The following GATAD2B variants were observed in gnomAD, a reference collection of about 807,000 sequenced individuals.
GATAD2B encodes the protein GATA zinc finger domain containing 2B.
GATAD2B carries 8 observed loss-of-function variants against 64.3 expected under a neutral mutation model. The observed-to-expected ratio is 0.12, with a 90% CI of 0.07 to 0.22. GATAD2B has a LOEUF of 0.22. Ranked by LOEUF, GATAD2B falls within the 10% of genes least tolerant of loss-of-function variation. The pLI is 1.00. For missense variants in GATAD2B, 453 were observed against 752.0 expected, an observed-to-expected ratio of 0.60 and a Z score of 4.65; for synonymous variants, 281 against 271.3, an observed-to-expected ratio of 1.04 and a Z score of -0.35.
At chr1:153,918,735 C>A (rs575079035) in intron 1 of GATAD2B, among the ~76,000 whole-genome samples, 2 of 152,128 alleles carry the variant, frequency 1.3e-5, no homozygotes, top group East Asian at 3.9e-4. Flanking sequence ...GGCAGATCAC[C>A]TGAGGTCAGG....
chr1:153,855,494 T>G (rs1676052550), intron 1 of GATAD2B, among the ~76,000 whole-genome samples: 1 of 152,192 alleles, frequency 6.6e-6, no homozygotes, highest in Non-Finnish European at 1.5e-5. Flanking sequence ...CCTCCCAAAG[T>G]GCTGGGATTA....
intron 1 of GATAD2B, among the ~76,000 whole-genome samples, chr1:153,848,227 C>T (rs1412219912): frequency 1.3e-5 from 2 of 152,186 alleles, no homozygotes; most frequent in African/African-American, 4.8e-5. Flanking sequence ...TCAAGAGTTA[C>T]CTATACTCAT....
At chr1:153,844,476 A>G (rs1675614059) in intron 1 of GATAD2B, among the ~76,000 whole-genome samples, 2 of 151,892 alleles carry the variant, frequency 1.3e-5, no homozygotes, top group Admixed American at 6.6e-5. Flanking sequence ...TTGCAAATCA[A>G]CCCTCAAGAT....
At chr1:153,844,730 C>G (rs12128138) in intron 1 of GATAD2B, among the ~76,000 whole-genome samples, 2 of 131,176 alleles carry the variant, frequency 1.5e-5, no homozygotes, top group Non-Finnish European at 3.2e-5. Flanking sequence ...CATGGACACA[C>G]GAAAGGGAAT....
At chr1:153,840,073 C>T (rs1159671082) in intron 1 of GATAD2B, among the ~76,000 whole-genome samples, 3 of 133,830 alleles carry the variant, frequency 2.2e-5, no homozygotes, top group Non-Finnish European at 4.7e-5. Flanking sequence ...ACTCTTGTTG[C>T]CCAGGCTGGA....
chr1:153,812,039 G>A lies in GATAD2B; in HGVS notation c.1513C>T (p.His505Tyr). 1 of 1,604,794 alleles carries A rather than the reference G, an allele frequency of 6.2e-7. No homozygotes were observed. ...TTCCTTACCTGCCGAAGCGTATGAT[G>A]TCTCATGATGGTCTCTTGTTTACTG... ...SVSKQETIMR[H>Y]HTLRQAPQPQ... The change falls in exon 9 of 11, where the codon CAT (histidine) becomes TAT (tyrosine). Residue 505 changes from histidine (H) to tyrosine (Y), a missense_variant. By Grantham distance (83) the His-to-Tyr change is moderately conservative (BLOSUM62 2). Around this residue, in one of 2 missense-constraint regions of GATAD2B, gnomAD observed 160 missense variants for 334.7 expected, o/e 0.48. Coordinates refer to ENST00000368655, the MANE Select transcript of GATAD2B (RefSeq NM_020699.4).
intron 1 of GATAD2B, among the ~76,000 whole-genome samples, chr1:153,888,534 T>C (rs1266816033): frequency 3.9e-5 from 6 of 152,254 alleles, no homozygotes. Flanking sequence ...CTTCCCTCTA[T>C]CTTTGCAGGG....
At chr1:153,860,717 G>A (rs183422287) in intron 1 of GATAD2B, among the ~76,000 whole-genome samples, 9 of 152,234 alleles carry the variant, frequency 5.9e-5, no homozygotes, top group African/African-American at 1.4e-4. Context: ...CTGGAGTGCC[G>A]TGGCACAATC....
chr1:153,909,658 C>T (rs1486920622), intron 1 of GATAD2B, among the ~76,000 whole-genome samples: 12 of 150,650 alleles, frequency 8.0e-5, no homozygotes, highest in Admixed American at 3.3e-4. Context: ...TTTGGCCAGG[C>T]GTGGTAGCTC....
In GATAD2B at chr1:153,816,241, T is replaced by A; in HGVS notation, c.1216+32A>T. The stretch of plus-strand genomic sequence containing the variant: ...TCAATCAGGCTTGGCAACCACTTGC[T>A]TAAATAGATTGATTAGAAGAAACAG... On this transcript the variant is annotated intron_variant, in intron 7 of 10. Transcript: ENST00000368655. The surrounding 1 kb of genome is among the most constrained non-coding windows in gnomAD (Gnocchi z 4.9). 6.7e-7 allele frequency: 1 copy of A among 1,485,126 alleles called. No individual in the cohort carries two copies. The highest frequency in any genetic ancestry group is 9.4e-7 in the Non-Finnish European group (1 of 1,067,082). The allele number at this position is 1,485,126 out of a possible 1,614,324, so 92.0% of individuals were successfully genotyped here.
intron 8 of GATAD2B, 135 bp from the exon 9 acceptor site, chr1:153,812,267 C>T (rs111498053): frequency 3.3e-6 from 2 of 601,956 alleles, no homozygotes; most frequent in African/African-American, 1.9e-5. Context: ...TGGGCTCAAG[C>T]AATCCTCTCA....
chr1:153,853,251 T>TC, intron 1 of GATAD2B: 1 of 1,023,970 alleles, frequency 9.8e-7, no homozygotes, highest in Non-Finnish European at 1.5e-6. Flanking sequence ...GTGATGGTCT[T>TC]CACACCCTTC....
intron 1 of GATAD2B, among the ~76,000 whole-genome samples, chr1:153,855,148 G>T (rs1341330864): frequency 1.3e-5 from 2 of 152,018 alleles, no homozygotes; most frequent in Non-Finnish European, 2.9e-5. Flanking sequence ...AATCTTGTTG[G>T]TTATAATGGT....
intron 2 of GATAD2B, among the ~76,000 whole-genome samples, chr1:153,823,886 C>A (rs982037583): frequency 6.6e-6 from 1 of 151,936 alleles, no homozygotes; most frequent in Non-Finnish European, 1.5e-5. Context: ...CCCGCCACCA[C>A]GCCTGGCTAA....
At chr1:153,840,347 T>G (rs1446589479) in intron 1 of GATAD2B, among the ~76,000 whole-genome samples, 2 of 52,368 alleles carry the variant, frequency 3.8e-5, no homozygotes, top group Non-Finnish European at 1.3e-4. Flanking sequence ...AAATACTTAT[T>G]TTTTTTTTAG....
chr1:153,812,349 G>A (rs1004425902), intron 8 of GATAD2B: 22 of 510,418 alleles, frequency 4.3e-5, no homozygotes, highest in Non-Finnish European at 7.2e-5. Context: ...TTCCTAACCA[G>A]AAAACCTGGA....
intron 1 of GATAD2B, among the ~76,000 whole-genome samples, chr1:153,847,291 T>C (rs981639037): frequency 6.6e-6 from 1 of 152,198 alleles, no homozygotes; most frequent in Admixed American, 6.5e-5. Context: ...TTAATGTCAG[T>C]ATTTTTGCAA....
At chr1:153,828,857 CA>C (rs1298706623) in intron 1 of GATAD2B, among the ~76,000 whole-genome samples, 1 of 152,088 alleles carries the variant, frequency 6.6e-6, no homozygotes, top group African/African-American at 2.4e-5. Context: ...GTGTTAACGA[CA>C]AGCTAATTAA....
chr1:153,887,721 G>A (rs1677227959), intron 1 of GATAD2B, among the ~76,000 whole-genome samples: 1 of 152,076 alleles, frequency 6.6e-6, no homozygotes, highest in Admixed American at 6.6e-5. Flanking sequence ...CTCATTATGG[G>A]TTTACAGGAA....
Sources: gnomAD v4.1 joint callset for allele counts (sites outside exome capture counted in the v4.1 genomes callset) on GRCh38, gnomAD v4.1.1 for gene constraint, gnomAD v4.1.1 regional missense constraint, Gnocchi (gnomAD v3.1) non-coding constraint, MANE v1.5 for transcripts, NCBI Gene and HGNC (gene_info 2026-07-23, HGNC 2026-07-21) for gene names.